The following MAP2 variants were observed in gnomAD, a reference collection of about 807,000 sequenced individuals.
MAP2 encodes microtubule associated protein 2.
MAP2 carries 14 observed loss-of-function variants against 137.6 expected under a neutral mutation model. The observed-to-expected ratio is 0.10, with a 90% confidence interval of 0.07 to 0.16. The LOEUF (loss-of-function observed/expected upper bound fraction) is 0.16, where lower values mean the gene tolerates loss of function less well. Among genes scored for constraint, MAP2 ranks in the 10% least tolerant of loss-of-function variants. The probability of loss-of-function intolerance (pLI) is 1.00; values close to 1 mark genes in which losing one functional copy is unlikely to be tolerated. For missense variants in MAP2, 2,088 were observed against 2,191.5 expected (o/e 0.95, Z 0.94); for synonymous variants, 786 against 782.3 (o/e 1.00, Z -0.08).
Position 209,696,276 on chromosome 2 carries a change from A to G in MAP2, c.4106A>G (p.Tyr1369Cys), listed in dbSNP as rs750916132. Residue 1369 changes from tyrosine (Y) to cysteine (C), a missense_variant, in exon 8 of 16, where the codon TAT (tyrosine) becomes TGT (cysteine). Physicochemically the swap from Tyr to Cys is radical, Grantham distance 194 (BLOSUM62 -2). Transcript: ENST00000682079. The stretch of plus-strand genomic sequence containing the variant: ...CTTTCTGAATATAAGACAGAAACCT[A>G]TGACGATTACAAAGATGAGACCACC... ...VALSEYKTET[Y>C]DDYKDETTID... 4 of 1,606,114 alleles carry G rather than the reference A, an allele frequency of 2.5e-6. No individual in the cohort carries two copies. The highest frequency in any genetic ancestry group is 2.2e-5 in the South Asian group (2 of 89,482).
rs571088568 is a variant in MAP2, at chr2:209,524,948, G to A, written c.-172+17307G>A. On this transcript the variant is annotated intron_variant, in intron 2 of 15. Transcript: ENST00000682079. ...AGTGTCCCTTGGGATCCAGAGACCT[G>A]GTTTCAATTTTTGTCTCGTCTGCTA... Among the ~76,000 whole-genome samples the A allele has an allele frequency of 5.3e-5, 8 of 152,092 alleles. No homozygotes were observed. In the South Asian group the frequency reaches 1.0e-3, roughly 20 times the overall value.
Position 209,694,212 on chromosome 2 carries a change from T to C in MAP2, c.2042T>C (p.Leu681Ser), listed in dbSNP as rs1366466885. ...RDLHSKNKDD[L>S]TLSRSLGLGG... The stretch of plus-strand genomic sequence containing the variant: ...CTCCACAGTAAGAATAAGGATGATT[T>C]GACCCTTAGCAGGAGTTTAGGACTT... The change falls in exon 8 of 16, where the codon TTG becomes TCG. Residue 681 changes from leucine (L) to serine (S), a missense_variant. This residue lies in a region of MAP2 where 18 missense variants were observed against 41.6 expected (regional missense o/e 0.43). Coordinates refer to ENST00000682079, the MANE Select transcript of MAP2 (RefSeq NM_001375505.1). The C allele has an allele frequency of 1.2e-6, 2 of 1,614,128 alleles. No individual in the cohort carries two copies. The highest frequency in any genetic ancestry group is 2.7e-5 in the African/African-American group (2 of 75,058).
At chr2:209,589,767 T>G (rs897949299) in intron 3 of MAP2, among the ~76,000 whole-genome samples, 2 of 152,218 alleles carry the variant, frequency 1.3e-5, no homozygotes, top group African/African-American at 4.8e-5. Flanking sequence ...CCACAGAATT[T>G]TAAGCGAATG....
chr2:209,457,670 A>G lies in MAP2; in HGVS notation c.-222+33394A>G, dbSNP rs184206233. ...CAGGGATATCCACCATATGTACTTC[A>G]TAGGATTGTTGGAATGACTAAACTC... is the stretch of plus-strand genomic sequence containing the variant. On this transcript the variant is annotated intron_variant, in intron 1 of 15. Coordinates refer to ENST00000682079, the MANE Select transcript of MAP2 (RefSeq NM_001375505.1). Among the ~76,000 whole-genome samples the G allele has an allele frequency of 4.6e-5, 7 of 152,324 alleles. No homozygotes were observed. The East Asian group carries it at 1.2e-3, about 25-fold the overall frequency.
chr2:209,566,196 G>C (rs879618311), intron 2 of MAP2, among the ~76,000 whole-genome samples: 1 of 152,202 alleles, frequency 6.6e-6, no homozygotes. Flanking sequence ...ATACACGTAA[G>C]TCCTGAGTGG....
At chr2:209,426,003 G>A (rs10200539) in intron 1 of MAP2, among the ~76,000 whole-genome samples, 85,292 of 151,368 alleles carry the variant, frequency 0.56, 25,825 homozygotes, top group African/African-American at 0.79. Flanking sequence ...CAAGAAAAAA[G>A]GCATTTTTCT....
At chr2:209,451,764 CTCTG>C in intron 1 of MAP2, among the ~76,000 whole-genome samples, 1 of 152,300 alleles carries the variant, frequency 6.6e-6, no homozygotes. Context: ...CTAAAAATAG[CTCTG>C]TCTGCAACAT....
chr2:209,460,775 G>T (rs148215633), intron 1 of MAP2, among the ~76,000 whole-genome samples: 3 of 151,984 alleles, frequency 2.0e-5, no homozygotes, highest in African/African-American at 7.2e-5. Flanking sequence ...TTGAGACAGA[G>T]TCTCACTGTG....
chr2:209,705,551 C>T lies in MAP2; in HGVS notation c.4585-29C>T, dbSNP rs758596206. The T allele has an allele frequency of 2.6e-6, 4 of 1,547,094 alleles. 1 individual carries two copies. The South Asian group carries it at 3.7e-5, about 14-fold the overall frequency. ...GTATAAATTAAAGAGTTACAAGAAC[C>T]CAATGTTCTTTTTGTTTTCTCCAAT... On this transcript the variant is annotated intron_variant, in intron 11 of 15. Transcript: ENST00000682079.
At chr2:209,494,978 A>G (rs1398821117) in intron 1 of MAP2, among the ~76,000 whole-genome samples, 1 of 152,250 alleles carries the variant, frequency 6.6e-6, no homozygotes, top group Non-Finnish European at 1.5e-5. Flanking sequence ...AAAATAATAT[A>G]TGCTGGCCAT....
chr2:209,630,425 C>A (rs1353026223), intron 4 of MAP2, among the ~76,000 whole-genome samples: 1 of 152,160 alleles, frequency 6.6e-6, no homozygotes, highest in Non-Finnish European at 1.5e-5. Context: ...TGAATGCCAG[C>A]TTCAAGCAGT....
chr2:209,730,563 A>G lies in MAP2; in HGVS notation c.*166A>G. On this transcript the variant is annotated 3_prime_UTR_variant, in exon 16 of 16. Transcript: ENST00000682079. The stretch of plus-strand genomic sequence containing the variant: ...TTTCTATTTAAAAAATGAATAGTAC[A>G]TGCAGAAATTGACCTGATTTCCATT... 3 of 610,624 alleles carry G rather than the reference A, an allele frequency of 4.9e-6. No individual in the cohort carries two copies. Among genetic ancestry groups the G allele is most frequent in the Admixed American group, 2.9e-5 (1 of 33,944 alleles). 37.8% of individuals were successfully genotyped at this position (610,624 alleles called of 1,614,324 possible). A position where few individuals can be genotyped will look rare whatever the true frequency, so the allele number is the denominator to read the frequency against.
At chr2:209,544,214 C>T (rs2067576032) in intron 2 of MAP2, among the ~76,000 whole-genome samples, 1 of 151,362 alleles carries the variant, frequency 6.6e-6, no homozygotes, top group Admixed American at 6.6e-5. Flanking sequence ...GCCTGGGTGA[C>T]AGAGTGAGAC....
intron 13 of MAP2, among the ~76,000 whole-genome samples, chr2:209,712,292 T>C (rs905440811): frequency 2.6e-5 from 4 of 152,160 alleles, no homozygotes; most frequent in Admixed American, 1.3e-4. Flanking sequence ...ACTTTTGAGC[T>C]GAACTAAAAC....
chr2:209,585,038 G>A (rs965082353), intron 3 of MAP2, among the ~76,000 whole-genome samples: 3 of 152,078 alleles, frequency 2.0e-5, no homozygotes, highest in Non-Finnish European at 4.4e-5. Context: ...AATAAAAAAT[G>A]AAGAGGTATG....
intron 3 of MAP2, among the ~76,000 whole-genome samples, chr2:209,581,232 C>T (rs932350101): frequency 1.3e-5 from 2 of 152,076 alleles, no homozygotes; most frequent in Non-Finnish European, 2.9e-5. Flanking sequence ...TTCTTAAGAG[C>T]CTTGCTGCTG....
intron 3 of MAP2, among the ~76,000 whole-genome samples, chr2:209,608,150 G>A (rs576555291): frequency 5.9e-5 from 9 of 152,246 alleles, no homozygotes; most frequent in African/African-American, 2.2e-4. Context: ...ACTCTACTGT[G>A]CACCACTGAC....
At chr2:209,653,114 G>A (rs2094917107) in intron 4 of MAP2, 28 bp from the exon 5 acceptor site, 1 of 1,508,236 alleles carries the variant, frequency 6.6e-7, no homozygotes. Context: ...TTTCCCCAAA[G>A]TAATAGCTAC....
At chr2:209,722,136 T>C (rs1049331007) in intron 13 of MAP2, 5 of 152,252 alleles carry the variant, frequency 3.3e-5, no homozygotes, top group African/African-American at 1.2e-4. Context: ...ACTACACTTA[T>C]TGTTAGATAC....
Sources: allele counts gnomAD v4.1 joint callset (sites outside exome capture counted in the v4.1 genomes callset), GRCh38; gene constraint gnomAD v4.1.1; regional missense constraint gnomAD v4.1.1; transcripts MANE v1.5; gene names NCBI Gene and HGNC (gene_info 2026-07-23, HGNC 2026-07-21).